Variants in SDC2 observed in about 807,000 individuals in gnomAD.
The protein encoded by SDC2 is syndecan-2.
A neutral mutation model predicts 22.2 loss-of-function variants in SDC2; 13 were observed. That is an observed-to-expected ratio of 0.59 (90% CI 0.38 to 0.93). The LOEUF (loss-of-function observed/expected upper bound fraction) is 0.93. SDC2 is among the 40% of genes least tolerant of loss of function. The pLI is 0.00. For missense variants in SDC2, 235 were observed against 246.8 expected, an observed-to-expected ratio of 0.95 and a Z score of 0.32; for synonymous variants, 94 against 92.8, an observed-to-expected ratio of 1.01 and a Z score of -0.07.
intron 1 of SDC2, among the ~76,000 whole-genome samples, chr8:96,590,261 G>A (rs776617214): frequency 3.3e-5 from 5 of 152,198 alleles, no homozygotes; most frequent in African/African-American, 9.6e-5. Flanking sequence ...GCCTCACAGC[G>A]ATGGTCAGTC....
intron 1 of SDC2, among the ~76,000 whole-genome samples, chr8:96,574,860 C>A (rs1814459609): frequency 6.6e-6 from 1 of 152,172 alleles, no homozygotes; most frequent in Non-Finnish European, 1.5e-5. Context: ...TAGGGACTGG[C>A]TTTGTGAAAG....
At chr8:96,591,999 C>T (rs1282310102) in intron 1 of SDC2, among the ~76,000 whole-genome samples, 1 of 152,148 alleles carries the variant, frequency 6.6e-6, no homozygotes, top group Non-Finnish European at 1.5e-5. Flanking sequence ...GCCTTGGAAA[C>T]CAGTGAAACA....
intron 1 of SDC2, among the ~76,000 whole-genome samples, chr8:96,527,177 C>T (rs906426624): frequency 1.3e-5 from 2 of 152,108 alleles, no homozygotes; most frequent in African/African-American, 2.4e-5. Flanking sequence ...TGCCTATTGA[C>T]GTGGTGGGAA....
At chr8:96,554,029 A>G (rs1814069507) in intron 1 of SDC2, among the ~76,000 whole-genome samples, 1 of 152,114 alleles carries the variant, frequency 6.6e-6, no homozygotes, top group African/African-American at 2.4e-5. Context: ...GAATCAAACA[A>G]TCTGCCTTGC....
At chr8:96,602,245 A>G in intron 2 of SDC2, 150 bp from the exon 3 acceptor site, 1 of 745,842 alleles carries the variant, frequency 1.3e-6, no homozygotes, top group Non-Finnish European at 2.2e-6. Flanking sequence ...CATGGTGAAG[A>G]CCACAGGAAG....
chr8:96,553,874 G>A (rs1814067130), intron 1 of SDC2, among the ~76,000 whole-genome samples: 1 of 152,020 alleles, frequency 6.6e-6, no homozygotes, highest in African/African-American at 2.4e-5. Context: ...CTGGGCTCAG[G>A]TGATTCTCCC....
chr8:96,581,315 C>G (rs1814585628), intron 1 of SDC2, among the ~76,000 whole-genome samples: 1 of 152,118 alleles, frequency 6.6e-6, no homozygotes, highest in East Asian at 1.9e-4. Context: ...CTGTGCGACC[C>G]TGATATCATA....
intron 1 of SDC2, among the ~76,000 whole-genome samples, chr8:96,575,877 T>G (rs1814479531): frequency 6.6e-6 from 1 of 152,222 alleles, no homozygotes; most frequent in African/African-American, 2.4e-5. Flanking sequence ...ACCAAAGAGT[T>G]TGCAAGTAGC....
At chr8:96,547,154 C>T (rs1164421948) in intron 1 of SDC2, among the ~76,000 whole-genome samples, 1 of 152,198 alleles carries the variant, frequency 6.6e-6, no homozygotes, top group African/African-American at 2.4e-5. Context: ...GGTTTCATAT[C>T]TCAGCTGAGG....
chr8:96,500,705 T>C (rs1285253642), intron 1 of SDC2, among the ~76,000 whole-genome samples: 1 of 151,982 alleles, frequency 6.6e-6, no homozygotes, highest in Non-Finnish European at 1.5e-5. Context: ...TTAAATTTCT[T>C]CTTTTAGCCA....
chr8:96,559,096 G>T (rs16894735), intron 1 of SDC2, among the ~76,000 whole-genome samples: 1,671 of 152,270 alleles, frequency 0.011, 31 homozygotes, highest in African/African-American at 0.038. Context: ...TGCTCAGTCT[G>T]GGCTGGGTGC....
chr8:96,513,421 G>C (rs960585592), intron 1 of SDC2, among the ~76,000 whole-genome samples: 2 of 152,134 alleles, frequency 1.3e-5, no homozygotes, highest in South Asian at 2.1e-4. Context: ...GCCTTCACAG[G>C]CTGCTTTTGT....
At chr8:96,541,675 G>T (rs538507916) in intron 1 of SDC2, among the ~76,000 whole-genome samples, 1 of 117,628 alleles carries the variant, frequency 8.5e-6, no homozygotes, top group African/African-American at 2.6e-5. Flanking sequence ...GTACAATGGC[G>T]GCTGCCAGGG....
intron 2 of SDC2, among the ~76,000 whole-genome samples, chr8:96,600,383 T>C (rs971645961): frequency 6.6e-6 from 1 of 152,228 alleles, no homozygotes; most frequent in Admixed American, 6.5e-5. Context: ...TTAAAAGGAA[T>C]GTTGTATTTG....
intron 1 of SDC2, among the ~76,000 whole-genome samples, chr8:96,553,508 C>T (rs940533884): frequency 6.7e-6 from 1 of 149,624 alleles, no homozygotes; most frequent in Non-Finnish European, 1.5e-5. Flanking sequence ...ATATCTTCCT[C>T]TTAGGAAGAG....
At chr8:96,584,091 C>T (rs1156446602) in intron 1 of SDC2, among the ~76,000 whole-genome samples, 1 of 152,198 alleles carries the variant, frequency 6.6e-6, no homozygotes, top group African/African-American at 2.4e-5. Flanking sequence ...TGTTAGTTGG[C>T]ATCTTTTAAA....
At chr8:96,585,437 A>G (rs1814666080) in intron 1 of SDC2, among the ~76,000 whole-genome samples, 1 of 152,192 alleles carries the variant, frequency 6.6e-6, no homozygotes, top group Admixed American at 6.5e-5. Context: ...ATGATATGCC[A>G]GTGATACGAT....
intron 1 of SDC2, among the ~76,000 whole-genome samples, chr8:96,545,652 G>A (rs577863177): frequency 1.3e-5 from 2 of 152,204 alleles, no homozygotes; most frequent in African/African-American, 2.4e-5. Context: ...TCAAACTGTG[G>A]GTACATTAGA....
rs561460590 is a variant in SDC2, at chr8:96,514,990, GTT to G, written c.60+20661_60+20662del. 3.5e-4 allele frequency among the ~76,000 whole-genome samples: 54 copies of G among 152,272 alleles called. No individual in the cohort carries two copies. In the South Asian group the frequency reaches 0.011, roughly 32 times the overall value. ...TTCCTGTGCTAGCGCTCACTTCCAT[GTT>G]TCCTTCTTTATTCTGGGTAAAGCAA... is the stretch of plus-strand genomic sequence containing the variant. On this transcript the variant is annotated intron_variant, in intron 1 of 4. Coordinates refer to ENST00000302190, the MANE Select transcript of SDC2 (RefSeq NM_002998.4).
Sources: allele counts gnomAD v4.1 joint callset (sites outside exome capture counted in the v4.1 genomes callset), GRCh38; gene constraint gnomAD v4.1.1; transcripts MANE v1.5; gene names NCBI Gene and HGNC (gene_info 2026-07-23, HGNC 2026-07-21).